SF3B1: variants seen among roughly 807,000 people sequenced by gnomAD.
The protein encoded by SF3B1 is splicing factor 3b subunit 1, also known as pre-mRNA processing 10.
In SF3B1, 12 loss-of-function variants were observed where a neutral mutation model predicts 153.8. The ratio of observed to expected loss-of-function variants is 0.08; its 90% CI spans 0.05 to 0.13. The LOEUF is 0.13. Ranked by LOEUF, SF3B1 falls within the 10% of genes least tolerant of loss-of-function variation. The pLI is 1.00. For synonymous variants in SF3B1, 498 were observed against 525.2 expected (o/e 0.95, Z 0.71); for missense variants, 513 against 1,606.1 (o/e 0.32, Z 11.63).
At chr2:197,398,772 T>C (rs1428496894) in intron 20 of SF3B1, 191 bp from the exon 21 acceptor site, 3 of 586,886 alleles carry the variant, frequency 5.1e-6, no homozygotes, top group East Asian at 3.1e-5. Context: ...TGATTATGTA[T>C]AGAAATGAAA....
At chr2:197,398,855 T>C (rs2105980135) in intron 20 of SF3B1, 2 of 488,426 alleles carry the variant, frequency 4.1e-6, no homozygotes, top group Middle Eastern at 3.2e-4. Context: ...CTGAAATATA[T>C]TTGTGCACTG....
intron 9 of SF3B1, among the ~76,000 whole-genome samples, chr2:197,406,104 G>GGT (rs2084988843): frequency 6.9e-6 from 1 of 145,288 alleles, no homozygotes; most frequent in South Asian, 2.1e-4. Flanking sequence ...TTTTAAAGCT[G>GGT]GTAACAGACT....
intron 20 of SF3B1, chr2:197,398,818 T>A: frequency 1.9e-6 from 1 of 518,992 alleles, no homozygotes. Flanking sequence ...TGATGGATAC[T>A]CAATAACAAA....
chr2:197,397,177 GT>G (rs551081941), intron 22 of SF3B1, among the ~76,000 whole-genome samples: 1 of 151,824 alleles, frequency 6.6e-6, no homozygotes, highest in African/African-American at 2.4e-5. Context: ...CATTTTTGTT[GT>G]TTTTTTTAGA....
intron 23 of SF3B1, among the ~76,000 whole-genome samples, chr2:197,393,656 T>C (rs1001147728): frequency 6.6e-6 from 1 of 151,938 alleles, no homozygotes; most frequent in Non-Finnish European, 1.5e-5. Flanking sequence ...TTTCACCATG[T>C]TGGCCAGGAT....
chr2:197,399,152 T>G, intron 20 of SF3B1: 1 of 1,172,422 alleles, frequency 8.5e-7, no homozygotes, highest in Non-Finnish European at 1.1e-6. Context: ...AACAATATGG[T>G]TTAAAACTCC....
At position 197,391,688 on chromosome 2, in the gene SF3B1, T is replaced by TA. The variant is rs1341313178; in HGVS notation, c.*614dup. 6.6e-6 allele frequency: 1 copy of TA among 152,256 alleles called. No homozygotes were observed. The highest frequency in any genetic ancestry group is 1.5e-5 in the Non-Finnish European group (1 of 68,076). The allele number at this position is 152,256 out of a possible 1,614,324, so 9.4% of individuals were successfully genotyped here. On this transcript the variant is annotated 3_prime_UTR_variant, in exon 25 of 25. Coordinates refer to ENST00000335508, the MANE Select transcript of SF3B1 (RefSeq NM_012433.4). ...CAAGAGATGAAAGGCGCTATGTAAG[T>TA]ACAAAATATTCAAGACAGTTTAGCA...
chr2:197,412,836 G>A (rs2085091527), intron 6 of SF3B1, among the ~76,000 whole-genome samples: 1 of 149,682 alleles, frequency 6.7e-6, no homozygotes, highest in Non-Finnish European at 1.5e-5. Context: ...AGTTAGCCAG[G>A]CGTGGTGGCA....
chr2:197,395,699 G>T (rs1574523777), intron 23 of SF3B1, among the ~76,000 whole-genome samples: 1 of 152,318 alleles, frequency 6.6e-6, no homozygotes, highest in Middle Eastern at 3.4e-3. Context: ...GCAACAAAAA[G>T]CTAAAAAGAT....
Position 197,416,840 on chromosome 2 carries a change from C to T in SF3B1, c.567G>A (p.Ala189=), listed in dbSNP as rs768869749. The T allele has an allele frequency of 2.2e-5, 35 of 1,613,982 alleles. No homozygotes were observed. The highest frequency in any genetic ancestry group is 4.5e-5 in the East Asian group (2 of 44,900). The change falls in exon 6 of 25, where the codon GCG becomes GCA. Residue 189 remains alanine (A), a synonymous_variant. Coordinates refer to ENST00000335508, the MANE Select transcript of SF3B1 (RefSeq NM_012433.4). ...GELKVVNGAA[A]SQPPSKRKRR... is the part of the protein sequence containing the mutation. ...GTTTTCGTTTTGATGGAGGCTGGGA[C>T]GCTGCTGCTCCATTGACGACTTTTA...
intron 1 of SF3B1, among the ~76,000 whole-genome samples, chr2:197,434,656 C>T (rs150490365): frequency 6.6e-6 from 1 of 152,216 alleles, no homozygotes; most frequent in African/African-American, 2.4e-5. Flanking sequence ...TCTCCCCACG[C>T]CCGCTTCCCC....
intron 11 of SF3B1, among the ~76,000 whole-genome samples, chr2:197,404,300 C>T (rs955532807): frequency 2.0e-5 from 3 of 152,114 alleles, no homozygotes; most frequent in Admixed American, 2.0e-4. Flanking sequence ...AAACAAACGG[C>T]TGGGCATGGT....
chr2:197,390,276 G>A lies in SF3B1; in HGVS notation c.*2027C>T, dbSNP rs2084795594. ...AAAGCCTATTTTCCATAAAGAACCA[G>A]AGGCCAAGCAAACGTAGGCTACTAA... On this transcript the variant is annotated 3_prime_UTR_variant, in exon 25 of 25. Coordinates refer to ENST00000335508, the MANE Select transcript of SF3B1 (RefSeq NM_012433.4). The A allele has an allele frequency of 6.6e-6, 1 of 152,168 alleles. No homozygotes were observed. Among genetic ancestry groups the A allele is most frequent in the Non-Finnish European group, 1.5e-5 (1 of 68,036 alleles). The allele number at this position is 152,168 out of a possible 1,614,324, so 9.4% of individuals were successfully genotyped here. A position where few individuals can be genotyped will look rare whatever the true frequency, so the allele number is the denominator to read the frequency against.
At chr2:197,433,130 G>A (rs2085467337) in intron 1 of SF3B1, among the ~76,000 whole-genome samples, 1 of 152,226 alleles carries the variant, frequency 6.6e-6, no homozygotes, top group Non-Finnish European at 1.5e-5. Flanking sequence ...CATTAGGAAG[G>A]AAGCAACAAG....
At chr2:197,409,746 A>G in intron 7 of SF3B1, 24 bp downstream of exon 7, 1 of 1,540,912 alleles carries the variant, frequency 6.5e-7, no homozygotes, top group Non-Finnish European at 9.0e-7. Flanking sequence ...TTTCACCCAC[A>G]CACCCATACT....
intron 1 of SF3B1, among the ~76,000 whole-genome samples, chr2:197,431,154 C>T (rs1261007649): frequency 2.1e-5 from 3 of 144,814 alleles, no homozygotes; most frequent in Admixed American, 7.0e-5. Flanking sequence ...ACTCAGTCGC[C>T]CAGGCTGGAG....
At position 197,422,224 on chromosome 2, in the gene SF3B1, C is replaced by A. The variant is rs191298761; in HGVS notation, c.196-1091G>T. 2.0e-5 allele frequency among the ~76,000 whole-genome samples: 3 copies of A among 151,956 alleles called. No homozygotes were observed. In the East Asian group the frequency reaches 5.8e-4, roughly 29 times the overall value. On this transcript the variant is annotated intron_variant, in intron 2 of 24. Transcript: ENST00000335508. Reference sequence around the variant, plus strand: ...CCATGACTGGCTTCTAGAAATTTCACCTTTTGGGATTTTTAAATTTCTCTC... The same window carrying A: ...CCATGACTGGCTTCTAGAAATTTCAACTTTTGGGATTTTTAAATTTCTCTC...
intron 1 of SF3B1, among the ~76,000 whole-genome samples, chr2:197,425,783 T>C (rs1171680694): frequency 6.6e-6 from 1 of 151,652 alleles, no homozygotes; most frequent in African/African-American, 2.4e-5. Flanking sequence ...GCGGATCACT[T>C]GAGCCCAGGA....
rs77681532 is a variant in SF3B1, at chr2:197,431,626, C to G, written c.28+3346G>C. Among the ~76,000 whole-genome samples, 1,467 of 152,274 alleles carry G rather than the reference C, an allele frequency of 9.6e-3. 29 individuals carry two copies. Among genetic ancestry groups the G allele is most frequent in the African/African-American group, 0.034 (1,396 of 41,534 alleles). ...CTAAGTGATATCTACTCTCCTTCAGCCAGATATAACCGGTGAACAACTATT... is the reference window on the plus strand; with the variant it reads ...CTAAGTGATATCTACTCTCCTTCAGGCAGATATAACCGGTGAACAACTATT... On this transcript the variant is annotated intron_variant, in intron 1 of 24. Transcript: ENST00000335508.
Sources: gnomAD v4.1 joint callset for allele counts (sites outside exome capture counted in the v4.1 genomes callset) on GRCh38, gnomAD v4.1.1 for gene constraint, MANE v1.5 for transcripts, NCBI Gene and HGNC (gene_info 2026-07-23, HGNC 2026-07-21) for gene names.